INTS1: variants seen among roughly 807,000 people sequenced by gnomAD.
INTS1 encodes integrator complex subunit 1.
A neutral mutation model predicts 241.6 loss-of-function variants in INTS1; 137 were observed. That is an observed-to-expected ratio of 0.57 (90% CI 0.49 to 0.65). The LOEUF (loss-of-function observed/expected upper bound fraction) is 0.65, where lower values mean the gene tolerates loss of function less well. INTS1 is among the 30% of genes least tolerant of loss of function. The probability of loss-of-function intolerance (pLI) is 0.00; values close to 1 mark genes in which losing one functional copy is unlikely to be tolerated. For missense variants in INTS1, 3,073 were observed against 3,032.2 expected (o/e 1.01, Z -0.32); for synonymous variants, 1,692 against 1,337.8 (o/e 1.26, Z -5.78).
At chr7:1,486,901 T>TGGGGGGGGGGGGGG in intron 21 of INTS1, 21 bp downstream of exon 21, 2 of 1,421,918 alleles carry the variant, frequency 1.4e-6, no homozygotes, top group Non-Finnish European at 9.4e-7. Flanking sequence ...GCGGGGGGGC[T>TGGGGGGGGGGGGGG]GAGGGGTGGG....
intron 43 of INTS1, 78 bp from the exon 44 acceptor site, chr7:1,472,464 C>G (rs1013292458): frequency 7.7e-6 from 8 of 1,038,518 alleles, no homozygotes; most frequent in Non-Finnish European, 1.1e-5. Context: ...CCTGCCCTCC[C>G]GAGAGCACGG....
Position 1,493,403 on chromosome 7 carries a change from AGAGCCACGGAC to A in INTS1, c.2069-308_2069-298del, listed in dbSNP as rs1782680954. 6.6e-6 allele frequency among the ~76,000 whole-genome samples: 1 copy of A among 152,144 alleles called. No homozygotes were observed. Among genetic ancestry groups the A allele is most frequent in the Non-Finnish European group, 1.5e-5 (1 of 68,026 alleles). On this transcript the variant is annotated intron_variant, in intron 15 of 47. Transcript: ENST00000404767. This position sits in a 1 kb window ranked among gnomAD's most constrained non-coding sequence, Gnocchi z 5.3. Reference sequence around the variant, plus strand: ...GTGGGGACCCGCAAGCCCTCGGGGCAGAGCCACGGACGAGGCGCGAGCTGGATTTACAATCA... The same window carrying A: ...GTGGGGACCCGCAAGCCCTCGGGGCAGAGGCGCGAGCTGGATTTACAATCA...
intron 22 of INTS1, 38 bp downstream of exon 22, chr7:1,486,587 T>C: frequency 2.5e-6 from 4 of 1,594,712 alleles, no homozygotes; most frequent in Non-Finnish European, 3.4e-6. Context: ...ATTTTAAACA[T>C]GAAGAGCGTG....
intron 44 of INTS1, among the ~76,000 whole-genome samples, chr7:1,471,967 C>CTGCCCACCCGCTGGTCT (rs1050472491): frequency 5.9e-5 from 9 of 152,226 alleles, no homozygotes; most frequent in African/African-American, 1.9e-4. Flanking sequence ...GCCACCGGTA[C>CTGCCCACCCGCTGGTCT]TGCCCACCCG....
chr7:1,476,776 G>A lies in INTS1; in HGVS notation c.5063+18C>T. On this transcript the variant is annotated intron_variant, in intron 36 of 47. Coordinates refer to ENST00000404767, the MANE Select transcript of INTS1 (RefSeq NM_001080453.3). ...CCAGTATGCGCGCAGCCCAGGTTGGGGACAGGGAGGCGCCCACCTCTGTTC... is the reference window on the plus strand; with the variant it reads ...CCAGTATGCGCGCAGCCCAGGTTGGAGACAGGGAGGCGCCCACCTCTGTTC... 6.2e-7 allele frequency: 1 copy of A among 1,612,706 alleles called. No homozygotes were observed. The highest frequency in any genetic ancestry group is 1.1e-5 in the South Asian group (1 of 91,078).
chr7:1,470,388 CT>C lies in INTS1; in HGVS notation c.*188del. ...TGAATGAGGGCTTGCTGGACGGCCC[CT>C]GATGCCAGCGGCCGGCCCGGAGCCA... On this transcript the variant is annotated 3_prime_UTR_variant, in exon 48 of 48. Transcript: ENST00000404767. 1.9e-6 allele frequency: 1 copy of C among 527,068 alleles called. No homozygotes were observed. Among genetic ancestry groups the C allele is most frequent in the African/African-American group, 2.0e-5 (1 of 50,064 alleles). 32.6% of individuals were successfully genotyped at this position (527,068 alleles called of 1,614,324 possible).
intron 18 of INTS1, among the ~76,000 whole-genome samples, 157 bp from the exon 19 acceptor site, chr7:1,488,114 G>A (rs1269223156): frequency 6.6e-6 from 1 of 152,170 alleles, no homozygotes; most frequent in Non-Finnish European, 1.5e-5. Flanking sequence ...CATCCATGGG[G>A]CTGTCAGAGC....
Position 1,471,193 on chromosome 7 carries a change from T to C in INTS1, c.6287A>G (p.Glu2096Gly). 1 of 1,582,230 alleles carries C rather than the reference T, an allele frequency of 6.3e-7. No individual in the cohort carries two copies. The highest frequency in any genetic ancestry group is 8.6e-7 in the Non-Finnish European group (1 of 1,165,688). The change falls in exon 46 of 48, where the codon GAG becomes GGG. Residue 2096 changes from glutamate to glycine, a missense_variant. By Grantham distance (98) the Glu-to-Gly change is moderately conservative. Transcript: ENST00000404767. ...GAAGGCGAGGTTGCGGCAACACTCC[T>C]CGGCCGAGCTCATCAGCCGCTGCAG... Reference protein sequence around the residue: ...TNLQRLMSSAEECCRNLAFSL... With the variant: ...TNLQRLMSSAGECCRNLAFSL...
At chr7:1,492,930 G>A (rs1357605813) in intron 16 of INTS1, 80 bp downstream of exon 16, 22 of 987,272 alleles carry the variant, frequency 2.2e-5, no homozygotes, top group Admixed American at 9.6e-5. Context: ...GGGGAGCGGG[G>A]CGCGGGCTTA....
Position 1,486,668 on chromosome 7 carries a change from C to T in INTS1, c.2933G>A (p.Arg978His). Reference protein sequence around the residue: ...TCEVLDYFLRRLGSSQVASRV... With the variant: ...TCEVLDYFLRHLGSSQVASRV... ...GGAGGCCACCTGGGAGGAGCCGAGG[C>T]GCCGCAAGAAGTAGTCCAGCACCTC... Residue 978 changes from arginine (R) to histidine (H), a missense_variant, in exon 22 of 48, where the codon CGC (arginine) becomes CAC (histidine). By Grantham distance (29) the Arg-to-His change is conservative. Coordinates refer to ENST00000404767, the MANE Select transcript of INTS1 (RefSeq NM_001080453.3). 2.5e-6 allele frequency: 4 copies of T among 1,612,138 alleles called. No homozygotes were observed. Among genetic ancestry groups the T allele is most frequent in the Non-Finnish European group, 3.4e-6 (4 of 1,179,578 alleles).
At chr7:1,495,066 A>C (rs1782778026) in intron 13 of INTS1, among the ~76,000 whole-genome samples, 173 bp from the exon 14 acceptor site, 1 of 152,088 alleles carries the variant, frequency 6.6e-6, no homozygotes, top group Non-Finnish European at 1.5e-5. Context: ...GGGACCACTC[A>C]CGGGGCTGCC....
intron 29 of INTS1, 63 bp from the exon 30 acceptor site, chr7:1,480,504 C>A: frequency 1.3e-6 from 2 of 1,546,086 alleles, no homozygotes; most frequent in Non-Finnish European, 1.8e-6. Flanking sequence ...GCGGTGGGAA[C>A]TGTACAAGCC....
chr7:1,487,536 G>A (rs1782332178), intron 19 of INTS1, 87 bp from the exon 20 acceptor site: 2 of 1,487,540 alleles, frequency 1.3e-6, no homozygotes, highest in Non-Finnish European at 9.1e-7. Context: ...TGCTTCGAGG[G>A]GCAGCCGACA....
intron 44 of INTS1, 160 bp downstream of exon 44, chr7:1,472,113 T>C: frequency 1.6e-6 from 1 of 624,856 alleles, no homozygotes; most frequent in Non-Finnish European, 2.9e-6. Context: ...AGGCCCTCTC[T>C]GGGGGTGCTC....
intron 18 of INTS1, among the ~76,000 whole-genome samples, chr7:1,488,697 G>T (rs558408012): frequency 2.0e-4 from 30 of 152,254 alleles, no homozygotes; most frequent in African/African-American, 7.2e-4. Flanking sequence ...AGCCTCGGGC[G>T]CCCCTTCACC....
rs200114821 is a variant in INTS1, at chr7:1,485,385, C to A, written c.3061G>T (p.Asp1021Tyr). 8 of 1,612,800 alleles carry A rather than the reference C, an allele frequency of 5.0e-6. No individual in the cohort carries two copies. In the South Asian group the frequency reaches 6.6e-5, roughly 13 times the overall value. The change falls in exon 23 of 48, where the codon GAT becomes TAT. Residue 1021 changes from aspartate (D) to tyrosine (Y), a missense_variant. Transcript: ENST00000404767. ...PPMEEDVGDT[D>Y]VLQGYQWLLR... is the part of the protein sequence containing the mutation. ...AGCCACTGATAGCCCTGCAGCACAT[C>A]TGTGTCCCCCACATCCTCCTCCATG...
At chr7:1,501,352 G>A (rs1268047446) in intron 3 of INTS1, 1 of 152,024 alleles carries the variant, frequency 6.6e-6, no homozygotes, top group Non-Finnish European at 1.5e-5. Context: ...CATGTGGACA[G>A]AGGCATTGTG....
intron 14 of INTS1, among the ~76,000 whole-genome samples, chr7:1,494,178 A>C (rs1782733269): frequency 6.6e-6 from 1 of 152,194 alleles, no homozygotes; most frequent in South Asian, 2.1e-4. Context: ...TGGTTCCTAC[A>C]ACCACCACAC....
In INTS1 at chr7:1,499,495, G is replaced by A. The variant is rs763694918; in HGVS notation, c.822C>T (p.Arg274=). ...RSVLLQGEAG[R]VAGDLGAGSS... is the part of the protein sequence containing the mutation. ...CACCTGCACCCAGGTCGCCCGCAAC[G>A]CGGCCCGCCTCCCCCTGCAGCAGCA... Residue 274 remains arginine (R), a synonymous_variant, in exon 6 of 48, where the codon CGC becomes CGT. Transcript: ENST00000404767. 30 of 1,586,584 alleles carry A rather than the reference G, an allele frequency of 1.9e-5. No individual in the cohort carries two copies. Among genetic ancestry groups the A allele is most frequent in the Non-Finnish European group, 2.3e-5 (27 of 1,165,550 alleles).
Sources: gnomAD v4.1 joint callset for allele counts (sites outside exome capture counted in the v4.1 genomes callset) on GRCh38, gnomAD v4.1.1 for gene constraint, Gnocchi (gnomAD v3.1) non-coding constraint, MANE v1.5 for transcripts, NCBI Gene and HGNC (gene_info 2026-07-23, HGNC 2026-07-21) for gene names.